SLC71A1: variants seen among roughly 807,000 people sequenced by gnomAD.
SLC71A1 encodes the protein solute carrier family 71 member 1, also known as hippocampus abundant gene transcript 1.
At chr1:100,067,674 G>C in the SLC71A1 span, among the ~76,000 whole-genome samples, 1 of 152,058 alleles carries the variant, frequency 6.6e-6, no homozygotes, top group Non-Finnish European at 1.5e-5. Flanking sequence ...TTAGCTGGGC[G>C]TGGTGGTGTG....
chr1:100,054,123 C>T, the SLC71A1 span, among the ~76,000 whole-genome samples: 1 of 150,582 alleles, frequency 6.6e-6, no homozygotes, highest in Admixed American at 6.6e-5. Context: ...CTCACTGCAA[C>T]CTCCACCGCC....
At chr1:100,046,239 TTTTTTG>T in the SLC71A1 span, among the ~76,000 whole-genome samples, 6 of 120,728 alleles carry the variant, frequency 5.0e-5, no homozygotes, top group Admixed American at 8.1e-5. Context: ...TTTTTTTTTT[TTTTTTG>T]AGACAGAGTC....
chr1:100,077,766 T>C, the SLC71A1 span, among the ~76,000 whole-genome samples: 1 of 152,192 alleles, frequency 6.6e-6, no homozygotes, highest in East Asian at 1.9e-4. Flanking sequence ...TGCAGGGGAC[T>C]TGAGTAGTGA....
the SLC71A1 span, chr1:100,080,523 T>C: frequency 6.2e-7 from 1 of 1,613,926 alleles, no homozygotes; most frequent in Non-Finnish European, 8.5e-7. Context: ...ATAACAGGAA[T>C]TCGAGGATTA....
At chr1:100,061,492 AC>A in the SLC71A1 span, among the ~76,000 whole-genome samples, 200 of 152,296 alleles carry the variant, frequency 1.3e-3, 2 homozygotes, top group Admixed American at 3.3e-3. Flanking sequence ...GTGGTGAAAA[AC>A]AGTAATGGAT....
At chr1:100,054,625 C>T in the SLC71A1 span, among the ~76,000 whole-genome samples, 7 of 152,168 alleles carry the variant, frequency 4.6e-5, no homozygotes, top group Admixed American at 4.6e-4. Context: ...ACTAGCATCT[C>T]TTCTACCTAG....
chr1:100,061,082 T>G, the SLC71A1 span, among the ~76,000 whole-genome samples: 7 of 152,172 alleles, frequency 4.6e-5, no homozygotes, highest in African/African-American at 1.7e-4. Context: ...ATTTGCTGTG[T>G]TAAGCAGTGT....
At chr1:100,038,644 C>T in the SLC71A1 span, among the ~76,000 whole-genome samples, 1 of 152,040 alleles carries the variant, frequency 6.6e-6, no homozygotes, top group Non-Finnish European at 1.5e-5. Context: ...CCCGGCGGCC[C>T]GCCCGCCGCG....
At chr1:100,053,317 G>A in the SLC71A1 span, among the ~76,000 whole-genome samples, 2 of 152,070 alleles carry the variant, frequency 1.3e-5, no homozygotes, top group Admixed American at 6.6e-5. Flanking sequence ...AAAGAGGTGG[G>A]TTTCTGGGTA....
the SLC71A1 span, chr1:100,083,077 T>C: frequency 6.6e-6 from 1 of 152,568 alleles, no homozygotes; most frequent in Non-Finnish European, 1.5e-5. Context: ...TAACACTTTA[T>C]TTACAGAGCT....
the SLC71A1 span, chr1:100,069,601 G>T: frequency 6.3e-7 from 1 of 1,583,670 alleles, no homozygotes; most frequent in East Asian, 2.2e-5. Context: ...ACCTTTTCTG[G>T]AAACCCTTCT....
the SLC71A1 span, among the ~76,000 whole-genome samples, chr1:100,050,705 A>G: frequency 6.6e-6 from 1 of 152,232 alleles, no homozygotes; most frequent in African/African-American, 2.4e-5. Flanking sequence ...TAGAAAAATT[A>G]TGTAAGTAGA....
chr1:100,062,056 T>A, the SLC71A1 span: 2 of 666,008 alleles, frequency 3.0e-6, no homozygotes, highest in South Asian at 2.1e-5. Context: ...GATTTTTGCG[T>A]AAAATATATT....
chr1:100,062,347 G>A, the SLC71A1 span, among the ~76,000 whole-genome samples: 3 of 152,184 alleles, frequency 2.0e-5, no homozygotes, highest in African/African-American at 2.4e-5. Context: ...TTGTGGCTTT[G>A]TGGGCCACGT....
At chr1:100,052,513 C>T in the SLC71A1 span, among the ~76,000 whole-genome samples, 1 of 147,944 alleles carries the variant, frequency 6.8e-6, no homozygotes, top group Non-Finnish European at 1.5e-5. Context: ...CTCACTGCAT[C>T]CCCCACCTCC....
chr1:100,068,725 G>A, the SLC71A1 span: 1 of 618,864 alleles, frequency 1.6e-6, no homozygotes, highest in Non-Finnish European at 2.8e-6. Flanking sequence ...GCTCACGCCT[G>A]TAATCTCAGC....
At chr1:100,056,814 T>C in the SLC71A1 span, among the ~76,000 whole-genome samples, 1 of 152,300 alleles carries the variant, frequency 6.6e-6, no homozygotes, top group African/African-American at 2.4e-5. Context: ...ACCAACAGTG[T>C]ATGAGTGTTC....
chr1:100,069,438 G>T, the SLC71A1 span, among the ~76,000 whole-genome samples: 1 of 152,096 alleles, frequency 6.6e-6, no homozygotes, highest in Non-Finnish European at 1.5e-5. Context: ...GGATAAGTAG[G>T]CATTTTTAGT....
the SLC71A1 span, chr1:100,068,630 A>G: frequency 9.5e-7 from 1 of 1,049,750 alleles, no homozygotes; most frequent in Non-Finnish European, 1.5e-6. Context: ...TTCATTGTCT[A>G]GTGCTTTAAT....
Sources: allele counts gnomAD v4.1 joint callset (sites outside exome capture counted in the v4.1 genomes callset), GRCh38; gene constraint gnomAD v4.1.1; transcripts MANE v1.5; gene names NCBI Gene and HGNC (gene_info 2026-07-23, HGNC 2026-07-21).